The following ELF2 variants were observed in gnomAD, a reference collection of about 807,000 sequenced individuals.
ELF2 encodes ETS-related transcription factor Elf-2.
ELF2 carries 11 observed loss-of-function variants against 54.8 expected under a neutral mutation model. That is an observed-to-expected ratio of 0.20 (90% CI 0.13 to 0.33). The LOEUF is 0.33. Ranked by LOEUF, ELF2 falls within the 10% of genes least tolerant of loss-of-function variation. The pLI, the probability that ELF2 is intolerant of heterozygous loss-of-function variation, is 1.00. For synonymous variants in ELF2, 203 were observed against 245.1 expected (o/e 0.83, Z 1.61); for missense variants, 513 against 703.0 (o/e 0.73, Z 3.06).
At chr4:139,160,127 G>A (rs952034879) in intron 1 of ELF2, among the ~76,000 whole-genome samples, 8 of 151,240 alleles carry the variant, frequency 5.3e-5, no homozygotes, top group Non-Finnish European at 8.8e-5. Flanking sequence ...CACGAGGTCA[G>A]GAGATTGAGA....
chr4:139,071,257 A>G, intron 6 of ELF2, among the ~76,000 whole-genome samples: 1 of 152,072 alleles, frequency 6.6e-6, no homozygotes, highest in Non-Finnish European at 1.5e-5. Flanking sequence ...TATTGTATAT[A>G]GTATGATATA....
intron 4 of ELF2, among the ~76,000 whole-genome samples, chr4:139,119,901 G>A (rs1736140991): frequency 6.6e-6 from 1 of 152,108 alleles, no homozygotes; most frequent in Non-Finnish European, 1.5e-5. Context: ...AGCCTCCTGA[G>A]TAGCTGGGAT....
At chr4:139,092,362 G>T in intron 4 of ELF2, among the ~76,000 whole-genome samples, 1 of 108,154 alleles carries the variant, frequency 9.2e-6, no homozygotes, top group East Asian at 3.2e-4. Context: ...CTCCATCTCA[G>T]AAATCATAAC....
chr4:139,168,726 T>C (rs1344856104), intron 1 of ELF2, among the ~76,000 whole-genome samples: 1 of 151,874 alleles, frequency 6.6e-6, no homozygotes, highest in Non-Finnish European at 1.5e-5. Context: ...CAAAGAAAGA[T>C]CCCTTTTGTT....
chr4:139,160,686 G>C (rs1393893749), intron 1 of ELF2, among the ~76,000 whole-genome samples: 10 of 152,216 alleles, frequency 6.6e-5, no homozygotes, highest in Admixed American at 6.5e-4. Context: ...ATATTGGCCA[G>C]GGGTGGTGGC....
chr4:139,168,442 T>C (rs1479671359), intron 1 of ELF2, among the ~76,000 whole-genome samples: 1 of 152,262 alleles, frequency 6.6e-6, no homozygotes, highest in Non-Finnish European at 1.5e-5. Flanking sequence ...AGAATTATAC[T>C]GGGCTGGCCC....
intron 3 of ELF2, among the ~76,000 whole-genome samples, chr4:139,133,591 C>A (rs1410546587): frequency 1.3e-5 from 2 of 151,814 alleles, no homozygotes; most frequent in East Asian, 3.9e-4. Context: ...ATTTATAGTT[C>A]ACTGTATAGA....
chr4:139,110,303 C>T (rs1156270189), intron 4 of ELF2, among the ~76,000 whole-genome samples: 1 of 152,156 alleles, frequency 6.6e-6, no homozygotes. Flanking sequence ...GCTTACGTCA[C>T]ATTTTCTTGC....
intron 7 of ELF2, among the ~76,000 whole-genome samples, chr4:139,065,209 A>G (rs1728514644): frequency 6.6e-6 from 1 of 152,202 alleles, no homozygotes; most frequent in Admixed American, 6.5e-5. Context: ...CCATGTTGCC[A>G]TCCCCAAGTT....
chr4:139,111,491 C>CTTT (rs759267275), intron 4 of ELF2, among the ~76,000 whole-genome samples: 9 of 136,308 alleles, frequency 6.6e-5, no homozygotes, highest in South Asian at 2.4e-4. Flanking sequence ...CCATACCAAC[C>CTTT]TTTTTTTTTT....
chr4:139,059,849 CTTT>C (rs780513254), intron 9 of ELF2, among the ~76,000 whole-genome samples: 1 of 141,988 alleles, frequency 7.0e-6, no homozygotes, highest in Non-Finnish European at 1.6e-5. Context: ...AAGACATCTA[CTTT>C]TTTTTTTTTT....
intron 1 of ELF2, among the ~76,000 whole-genome samples, chr4:139,141,374 C>T (rs139940696): frequency 6.8e-4 from 103 of 152,258 alleles, no homozygotes; most frequent in African/African-American, 2.1e-3. Context: ...ACTTTTAGCT[C>T]CACTTTATAC....
intron 4 of ELF2, chr4:139,115,403 C>CG (rs1735583466): frequency 1.0e-6 from 1 of 1,000,728 alleles, no homozygotes; most frequent in African/African-American, 1.8e-5. Context: ...GTGCGCGCAT[C>CG]GGGCCCCTCC....
Position 139,069,878 on chromosome 4 carries a change from ACT to A in ELF2, c.526+1986_526+1987del, listed in dbSNP as rs550130151. On this transcript the variant is annotated intron_variant, in intron 6 of 9. Coordinates refer to ENST00000686138, the MANE Select transcript of ELF2 (RefSeq NM_001331036.3). ...TTTTTTTTCTTTGAGACAGGGTCTC[ACT>A]CTGTCGCCCAGGCTGGAATGCAGTG... Among the ~76,000 whole-genome samples, 38 of 151,326 alleles carry A rather than the reference ACT, an allele frequency of 2.5e-4. No individual in the cohort carries two copies. In the South Asian group the frequency reaches 4.4e-3, roughly 17 times the overall value.
At chr4:139,151,032 A>AGAAAGAAAG (rs1553971300) in intron 1 of ELF2, among the ~76,000 whole-genome samples, 10 of 102,530 alleles carry the variant, frequency 9.8e-5, no homozygotes, top group African/African-American at 2.5e-4. Flanking sequence ...TCAAAAAAAA[A>AGAAAGAAAG]AAAGAAAGAA....
chr4:139,126,832 T>C (rs1007933431), intron 3 of ELF2, among the ~76,000 whole-genome samples: 2 of 152,078 alleles, frequency 1.3e-5, no homozygotes, highest in Non-Finnish European at 2.9e-5. Context: ...ATCCCATCAA[T>C]AAGAGAGAGT....
At chr4:139,099,737 G>A (rs1306348309) in intron 4 of ELF2, among the ~76,000 whole-genome samples, 4 of 152,150 alleles carry the variant, frequency 2.6e-5, no homozygotes, top group Non-Finnish European at 5.9e-5. Flanking sequence ...GAACTTCTTG[G>A]AAGGTATTTA....
intron 1 of ELF2, among the ~76,000 whole-genome samples, chr4:139,175,840 A>G (rs1227749273): frequency 6.6e-6 from 1 of 152,230 alleles, no homozygotes; most frequent in Admixed American, 6.5e-5. Context: ...CATTTAATGA[A>G]GTACTAAACT....
At position 139,105,122 on chromosome 4, in the gene ELF2, G is replaced by C. The variant is rs185501271; in HGVS notation, c.238+20042C>G. Among the ~76,000 whole-genome samples, 1,339 of 152,216 alleles carry C rather than the reference G, an allele frequency of 8.8e-3. 10 individuals carry two copies. Among genetic ancestry groups the C allele is most frequent in the Middle Eastern group, 0.034 (10 of 294 alleles). On this transcript the variant is annotated intron_variant, in intron 4 of 9. Transcript: ENST00000686138. ...GTACCTAATAACTGTCATATGGAAA[G>C]GGAGAGGAAAAAAACTATCCACTGC... is the stretch of plus-strand genomic sequence containing the variant.
Sources: gnomAD v4.1 joint callset for allele counts (sites outside exome capture counted in the v4.1 genomes callset) on GRCh38, gnomAD v4.1.1 for gene constraint, MANE v1.5 for transcripts, NCBI Gene and HGNC (gene_info 2026-07-23, HGNC 2026-07-21) for gene names.